The following NRXN3 variants were observed in gnomAD, a reference collection of about 807,000 sequenced individuals.
NRXN3 encodes the protein neurexin 3, also known as neurexin III.
NRXN3 carries 32 observed loss-of-function variants against 137.6 expected under a neutral mutation model. The ratio of observed to expected loss-of-function variants is 0.23; its 90% CI spans 0.18 to 0.31. NRXN3 has a LOEUF of 0.31. NRXN3 is among the 10% of genes least tolerant of loss of function. NRXN3 has a pLI of 1.00. For missense variants in NRXN3, 1,574 were observed against 2,062.5 expected (o/e 0.76, Z 4.59); for synonymous variants, 798 against 784.5 (o/e 1.02, Z -0.29).
chr14:79,677,968 G>C (rs1485574823), intron 17 of NRXN3, among the ~76,000 whole-genome samples: 1 of 152,174 alleles, frequency 6.6e-6, no homozygotes, highest in East Asian at 1.9e-4. Flanking sequence ...TATTCAGAAA[G>C]TAAATCTAGC....
chr14:78,504,194 T>C (rs956732018), intron 4 of NRXN3, among the ~76,000 whole-genome samples: 2 of 152,188 alleles, frequency 1.3e-5, no homozygotes, highest in African/African-American at 4.8e-5. Context: ...CCTGGTTAGT[T>C]GAATATGGGG....
intron 8 of NRXN3, among the ~76,000 whole-genome samples, chr14:78,735,556 T>C (rs1281167317): frequency 2.6e-5 from 4 of 152,050 alleles, no homozygotes; most frequent in African/African-American, 9.7e-5. Flanking sequence ...TGAAGTTTGG[T>C]TAAGGCAAAA....
intron 15 of NRXN3, among the ~76,000 whole-genome samples, chr14:79,326,405 A>T (rs1183598481): frequency 6.6e-6 from 1 of 152,154 alleles, no homozygotes; most frequent in Non-Finnish European, 1.5e-5. Context: ...TATCTCCATT[A>T]TATAGTAAAG....
At chr14:78,936,759 C>T (rs558789651) in intron 10 of NRXN3, among the ~76,000 whole-genome samples, 13 of 152,198 alleles carry the variant, frequency 8.5e-5, no homozygotes, top group South Asian at 2.1e-4. Flanking sequence ...ACAGTTAGCC[C>T]GAAGAGTTGC....
chr14:78,393,936 G>A lies in NRXN3; in HGVS notation c.757+96076G>A, dbSNP rs143590963. Reference sequence around the variant, plus strand: ...AGAGGAATACAACAGACTTTTGTACGTTTATCTTGTGTCCTGTGACCTTGC... The same window carrying A: ...AGAGGAATACAACAGACTTTTGTACATTTATCTTGTGTCCTGTGACCTTGC... On this transcript the variant is annotated intron_variant, in intron 4 of 20. Transcript: ENST00000335750. 9.5e-4 allele frequency among the ~76,000 whole-genome samples: 144 copies of A among 151,944 alleles called. 1 individual carries two copies. Among genetic ancestry groups the A allele is most frequent in the African/African-American group, 3.1e-3 (127 of 41,534 alleles).
chr14:79,098,196 C>A (rs998073711), intron 15 of NRXN3, among the ~76,000 whole-genome samples: 1 of 152,120 alleles, frequency 6.6e-6, no homozygotes, highest in African/African-American at 2.4e-5. Context: ...TCTGGATATA[C>A]CCCGTCTTAG....
chr14:79,321,646 A>T (rs1261237939), intron 15 of NRXN3, among the ~76,000 whole-genome samples: 1 of 151,772 alleles, frequency 6.6e-6, no homozygotes, highest in Admixed American at 6.6e-5. Flanking sequence ...ATACATACAC[A>T]TATATGTGTA....
intron 16 of NRXN3, among the ~76,000 whole-genome samples, chr14:79,564,629 C>T (rs1238283508): frequency 2.0e-5 from 3 of 152,078 alleles, no homozygotes; most frequent in Non-Finnish European, 4.4e-5. Flanking sequence ...TCTTGGAGGT[C>T]TGAGAGTTTT....
At chr14:78,321,024 G>A (rs945959201) in intron 4 of NRXN3, among the ~76,000 whole-genome samples, 4 of 151,054 alleles carry the variant, frequency 2.6e-5, no homozygotes, top group African/African-American at 7.4e-5. Flanking sequence ...GCTGAGGCAC[G>A]AGAATCACTT....
At chr14:79,740,713 TATATATATATATATATA>T in intron 19 of NRXN3, among the ~76,000 whole-genome samples, 1 of 6,090 alleles carries the variant, frequency 1.6e-4, no homozygotes, top group Non-Finnish European at 3.2e-4. Flanking sequence ...TTTAGTTTTT[TATATATATATATATATA>T]TATATATATA....
At chr14:78,318,788 G>C (rs940092284) in intron 4 of NRXN3, among the ~76,000 whole-genome samples, 1 of 152,160 alleles carries the variant, frequency 6.6e-6, no homozygotes, top group African/African-American at 2.4e-5. Context: ...TGGTTATCAG[G>C]TTCTTCAAAC....
chr14:79,828,523 G>A (rs1175852857), intron 20 of NRXN3, among the ~76,000 whole-genome samples: 2 of 150,436 alleles, frequency 1.3e-5, no homozygotes, highest in Non-Finnish European at 2.9e-5. Context: ...GGGAGGCTGA[G>A]CCAGGAGAAT....
intron 2 of NRXN3, among the ~76,000 whole-genome samples, chr14:78,245,374 C>T (rs1024076282): frequency 6.6e-6 from 1 of 152,156 alleles, no homozygotes; most frequent in Non-Finnish European, 1.5e-5. Context: ...TTCCTGTGCA[C>T]AATCAAGGTT....
At chr14:78,857,446 A>AATTTGATGCG (rs1229485455) in intron 10 of NRXN3, among the ~76,000 whole-genome samples, 6 of 152,144 alleles carry the variant, frequency 3.9e-5, no homozygotes, top group Non-Finnish European at 8.8e-5. Context: ...GATTTGTAGA[A>AATTTGATGCG]ATTTGATGCG....
At chr14:78,661,411 C>A (rs1488981586) in intron 6 of NRXN3, among the ~76,000 whole-genome samples, 1 of 152,186 alleles carries the variant, frequency 6.6e-6, no homozygotes, top group African/African-American at 2.4e-5. Flanking sequence ...GATGCAAGAG[C>A]TATCAAGCTA....
chr14:79,509,246 AGT>A (rs566977273), intron 16 of NRXN3, among the ~76,000 whole-genome samples: 15 of 152,218 alleles, frequency 9.9e-5, no homozygotes, highest in African/African-American at 3.6e-4. Flanking sequence ...TTACTAAAAG[AGT>A]GTAATCCCAG....
At chr14:78,332,903 C>T (rs138881710) in intron 4 of NRXN3, among the ~76,000 whole-genome samples, 3 of 152,082 alleles carry the variant, frequency 2.0e-5, no homozygotes, top group East Asian at 3.9e-4. Flanking sequence ...TCTTTGTCAA[C>T]CTACTTGTAA....
chr14:79,398,421 A>G (rs765442173), intron 15 of NRXN3, among the ~76,000 whole-genome samples: 2 of 152,140 alleles, frequency 1.3e-5, no homozygotes, highest in Non-Finnish European at 2.9e-5. Context: ...AACACAAATC[A>G]TGTCTTTCAC....
At chr14:79,440,043 G>T (rs1039421495) in intron 15 of NRXN3, among the ~76,000 whole-genome samples, 1 of 152,186 alleles carries the variant, frequency 6.6e-6, no homozygotes, top group Non-Finnish European at 1.5e-5. Flanking sequence ...AGAGAAATGA[G>T]CTATGCATTT....
Sources: allele counts gnomAD v4.1 joint callset (sites outside exome capture counted in the v4.1 genomes callset), GRCh38; gene constraint gnomAD v4.1.1; transcripts MANE v1.5; gene names NCBI Gene and HGNC (gene_info 2026-07-23, HGNC 2026-07-21).